Variants in ACTL6B observed in about 807,000 individuals in gnomAD.
ACTL6B encodes the protein actin like 6B.
In ACTL6B, 48 loss-of-function variants were observed where a neutral mutation model predicts 63.3. The ratio of observed to expected loss-of-function variants is 0.76; its 90% CI spans 0.60 to 0.96. The LOEUF (loss-of-function observed/expected upper bound fraction) is 0.96, where lower values mean the gene tolerates loss of function less well. Among genes scored for constraint, ACTL6B ranks in the 50% least tolerant of loss-of-function variants. The probability of loss-of-function intolerance (pLI) is 0.00; values close to 1 mark genes in which losing one functional copy is unlikely to be tolerated. For synonymous variants in ACTL6B, 230 were observed against 223.8 expected (o/e 1.03, Z -0.25); for missense variants, 350 against 572.2 (o/e 0.61, Z 3.96).
chr7:100,647,428 C>G lies in ACTL6B; in HGVS notation c.759+16G>C. 6.2e-7 allele frequency: 1 copy of G among 1,611,944 alleles called. No individual in the cohort carries two copies. Among genetic ancestry groups the G allele is most frequent in the Non-Finnish European group, 8.5e-7 (1 of 1,178,676 alleles). On this transcript the variant is annotated intron_variant, in intron 8 of 13. Transcript: ENST00000160382. The surrounding 1 kb of genome is among the most constrained non-coding windows in gnomAD (Gnocchi z 4.4). Reference sequence around the variant, plus strand: ...CAGGGGAGGGGGGTTTCAGGTGGCCCTCTCCAGAGGCTCACATTACACATG... The same window carrying G: ...CAGGGGAGGGGGGTTTCAGGTGGCCGTCTCCAGAGGCTCACATTACACATG...
chr7:100,655,539 G>GC lies in ACTL6B; in HGVS notation c.149dup (p.Gly51ArgfsTer61). ...CTTTGTCCCCCTCCAGCTCCAGCCCGCCCCCCTCCTCCGCGGCCAGCAGCC... is the reference window on the plus strand; with the variant it reads ...CTTTGTCCCCCTCCAGCTCCAGCCCGCCCCCCCTCCTCCGCGGCCAGCAGCC... On this transcript the variant is annotated frameshift_variant, in exon 3 of 14. Transcript: ENST00000160382. LOFTEE classifies it high-confidence loss of function. The surrounding 1 kb of genome is among the most constrained non-coding windows in gnomAD (Gnocchi z 4.4). 1 of 1,613,874 alleles carries GC rather than the reference G, an allele frequency of 6.2e-7. No homozygotes were observed. Among genetic ancestry groups the GC allele is most frequent in the Non-Finnish European group, 8.5e-7 (1 of 1,179,882 alleles).
At chr7:100,649,848 G>C in intron 5 of ACTL6B, 190 bp downstream of exon 5, 1 of 554,306 alleles carries the variant, frequency 1.8e-6, no homozygotes, top group East Asian at 3.1e-5. Context: ...CCGCTGATCT[G>C]GCCACCCCAG....
intron 13 of ACTL6B, among the ~76,000 whole-genome samples, chr7:100,645,586 A>G (rs1308833541): frequency 6.7e-6 from 1 of 150,284 alleles, no homozygotes; most frequent in Non-Finnish European, 1.5e-5. Context: ...TGGGTGTATC[A>G]CCAAAATCTC....
At chr7:100,645,370 C>A (rs529558641) in intron 13 of ACTL6B, among the ~76,000 whole-genome samples, 4 of 152,116 alleles carry the variant, frequency 2.6e-5, no homozygotes, top group Admixed American at 2.6e-4. Flanking sequence ...TTACTAGTTG[C>A]CCCTTGCTGT....
In ACTL6B at chr7:100,646,844, G is replaced by A. The variant is rs1584467949; in HGVS notation, c.937-13C>T. Reference sequence around the variant, plus strand: ...TCCCCGACAGGCCCTGCAGAGAGAGGTGACTGGGGCTGTGGGCTCTCTCCC... The same window carrying A: ...TCCCCGACAGGCCCTGCAGAGAGAGATGACTGGGGCTGTGGGCTCTCTCCC... On this transcript the variant is annotated splice_polypyrimidine_tract_variant and intron_variant, in intron 10 of 13. Coordinates refer to ENST00000160382, the MANE Select transcript of ACTL6B (RefSeq NM_016188.5). This position sits in a 1 kb window ranked among gnomAD's most constrained non-coding sequence, Gnocchi z 6.1. 6 of 1,610,150 alleles carry A rather than the reference G, an allele frequency of 3.7e-6. No homozygotes were observed. The highest frequency in any genetic ancestry group is 5.1e-6 in the Non-Finnish European group (6 of 1,178,396).
chr7:100,646,210 C>G lies in ACTL6B; in HGVS notation c.1200+39G>C, dbSNP rs1427494653. The G allele has an allele frequency of 6.4e-7, 1 of 1,569,758 alleles. No individual in the cohort carries two copies. The highest frequency in any genetic ancestry group is 8.7e-7 in the Non-Finnish European group (1 of 1,147,276). ...GGGCACTGTCTGGGTCTCCCCTCTC[C>G]CCCACAGTCAGTGCTAGGCCAGGTC... On this transcript the variant is annotated intron_variant, in intron 13 of 13. Transcript: ENST00000160382. This position sits in a 1 kb window ranked among gnomAD's most constrained non-coding sequence, Gnocchi z 6.1.
chr7:100,645,755 C>CT (rs944414545), intron 13 of ACTL6B, among the ~76,000 whole-genome samples: 102 of 152,148 alleles, frequency 6.7e-4, no homozygotes, highest in Non-Finnish European at 2.4e-4. Context: ...CCTCAGCCTC[C>CT]TGAATAGCTG....
Position 100,650,136 on chromosome 7 carries a change from C to G in ACTL6B, c.370-1G>C, listed in dbSNP as rs1803909749. The G allele has an allele frequency of 6.2e-7, 1 of 1,613,582 alleles. No homozygotes were observed. Among genetic ancestry groups the G allele is most frequent in the African/African-American group, 1.3e-5 (1 of 74,904 alleles). ...TCTCCCGCTTGGCCCGTGTGTTCCA[C>G]TGTGGAGAAAGTGCAGAGGGGGAGG... On this transcript the variant is annotated splice_acceptor_variant, in intron 4 of 13. Transcript: ENST00000160382. LOFTEE classifies it high-confidence loss of function.
intron 4 of ACTL6B, among the ~76,000 whole-genome samples, chr7:100,654,686 G>T (rs1019684596): frequency 6.6e-6 from 1 of 151,778 alleles, no homozygotes; most frequent in Non-Finnish European, 1.5e-5. Flanking sequence ...GGAGGCTGAG[G>T]CAGGAGATTC....
chr7:100,644,833 A>T (rs1460331540), intron 13 of ACTL6B, among the ~76,000 whole-genome samples: 1 of 152,080 alleles, frequency 6.6e-6, no homozygotes, highest in Non-Finnish European at 1.5e-5. Context: ...AGATGGGCAG[A>T]TCACTTGAGG....
intron 4 of ACTL6B, 147 bp from the exon 5 acceptor site, chr7:100,650,282 TCA>T: frequency 3.1e-6 from 2 of 655,166 alleles, no homozygotes; most frequent in Non-Finnish European, 5.5e-6. Context: ...ACCTAAACAC[TCA>T]CACATACACT....
In ACTL6B at chr7:100,647,564, C is replaced by T. The variant is rs2231175; in HGVS notation, c.670-31G>A. The T allele has an allele frequency of 1.1e-3, 1,645 of 1,494,644 alleles. 26 individuals are homozygous for T. The East Asian group carries it at 0.031, about 29-fold the overall frequency. The allele number at this position is 1,494,644 out of a possible 1,614,324, so 92.6% of individuals were successfully genotyped here. ...GGGGCACAGTGTAGGAACACCCTTT[C>T]CTAGCCCACCTGACCCCCACCCCCA... is the stretch of plus-strand genomic sequence containing the variant. On this transcript the variant is annotated intron_variant, in intron 7 of 13. Transcript: ENST00000160382. This position sits in a 1 kb window ranked among gnomAD's most constrained non-coding sequence, Gnocchi z 4.4.
chr7:100,645,296 AC>A (rs1022194992), intron 13 of ACTL6B, among the ~76,000 whole-genome samples: 1 of 151,900 alleles, frequency 6.6e-6, no homozygotes. Flanking sequence ...CTTCCTTCGA[AC>A]CCAGCAGCAG....
rs1803831898 is a variant in ACTL6B, at chr7:100,646,839, G to A, written c.937-8C>T. ...GGTGTTCCCCGACAGGCCCTGCAGA[G>A]AGAGGTGACTGGGGCTGTGGGCTCT... is the stretch of plus-strand genomic sequence containing the variant. On this transcript the variant is annotated splice_region_variant and splice_polypyrimidine_tract_variant and intron_variant, in intron 10 of 13. Transcript: ENST00000160382. The surrounding 1 kb of genome is among the most constrained non-coding windows in gnomAD (Gnocchi z 6.1). 6.2e-7 allele frequency: 1 copy of A among 1,611,108 alleles called. No homozygotes were observed. The highest frequency in any genetic ancestry group is 1.1e-5 in the South Asian group (1 of 90,900).
Position 100,643,336 on chromosome 7 carries a change from G to A in ACTL6B, c.1201-10C>T. On this transcript the variant is annotated splice_polypyrimidine_tract_variant and intron_variant, in intron 13 of 13. Coordinates refer to ENST00000160382, the MANE Select transcript of ACTL6B (RefSeq NM_016188.5). Reference sequence around the variant, plus strand: ...TCTGCTGGAAAGTGCCCTGGGTGGAGGGGGTAATATCAGGGTCAGGGTGGC... The same window carrying A: ...TCTGCTGGAAAGTGCCCTGGGTGGAAGGGGTAATATCAGGGTCAGGGTGGC... 1 of 1,613,324 alleles carries A rather than the reference G, an allele frequency of 6.2e-7. No individual in the cohort carries two copies. The highest frequency in any genetic ancestry group is 8.5e-7 in the Non-Finnish European group (1 of 1,179,894).
In ACTL6B at chr7:100,647,636, C is replaced by CAGCACAGCAGAG; in HGVS notation, c.670-104_670-103insCTCTGCTGTGCT. On this transcript the variant is annotated intron_variant, in intron 7 of 13. Coordinates refer to ENST00000160382, the MANE Select transcript of ACTL6B (RefSeq NM_016188.5). This position sits in a 1 kb window ranked among gnomAD's most constrained non-coding sequence, Gnocchi z 4.4. ...CTCTGCAGCTACCTGGCGCTGCAGG[C>CAGCACAGCAGAG]TCTGCTGTGCTGCCTGCAAGAGGGG... 5 of 831,350 alleles carry CAGCACAGCAGAG rather than the reference C, an allele frequency of 6.0e-6. No homozygotes were observed. Among genetic ancestry groups the CAGCACAGCAGAG allele is most frequent in the Non-Finnish European group, 7.7e-6 (4 of 522,354 alleles). 51.5% of individuals were successfully genotyped at this position (831,350 alleles called of 1,614,324 possible).
intron 4 of ACTL6B, among the ~76,000 whole-genome samples, chr7:100,651,181 C>A (rs897755546): frequency 6.6e-5 from 10 of 151,630 alleles, no homozygotes; most frequent in Non-Finnish European, 1.5e-5. Context: ...GCATGGGATA[C>A]CTAGCTAAGC....
In ACTL6B at chr7:100,646,099, C is replaced by G; in HGVS notation, c.1200+150G>C. On this transcript the variant is annotated intron_variant, in intron 13 of 13. Coordinates refer to ENST00000160382, the MANE Select transcript of ACTL6B (RefSeq NM_016188.5). This position sits in a 1 kb window ranked among gnomAD's most constrained non-coding sequence, Gnocchi z 6.1. ...GCCCCCCGATTTGTGTCCTGTTCAC[C>G]CTTCTGGGAACATTCATTGACTGAC... The G allele has an allele frequency of 5.0e-6, 4 of 792,762 alleles. No individual in the cohort carries two copies. The highest frequency in any genetic ancestry group is 8.3e-6 in the Non-Finnish European group (4 of 479,120). 49.1% of individuals were successfully genotyped at this position (792,762 alleles called of 1,614,324 possible).
In ACTL6B at chr7:100,647,960, CTT is replaced by C. The variant is rs1209628819; in HGVS notation, c.670-429_670-428del. ...ATATCATGCTGTTGGTCACACAGCT[CTT>C]TTTTTTTTTTTTTTTCAGATGGAGT... On this transcript the variant is annotated intron_variant, in intron 7 of 13. Coordinates refer to ENST00000160382, the MANE Select transcript of ACTL6B (RefSeq NM_016188.5). This position sits in a 1 kb window ranked among gnomAD's most constrained non-coding sequence, Gnocchi z 4.4. Among the ~76,000 whole-genome samples the C allele has an allele frequency of 6.0e-5, 8 of 134,096 alleles. No homozygotes were observed. Among genetic ancestry groups the C allele is most frequent in the South Asian group, 2.4e-4 (1 of 4,162 alleles). The allele number at this position is 134,096 out of a possible 152,430, so 88.0% of individuals were successfully genotyped here.
Sources: allele counts gnomAD v4.1 joint callset (sites outside exome capture counted in the v4.1 genomes callset), GRCh38; gene constraint gnomAD v4.1.1; non-coding constraint Gnocchi (gnomAD v3.1); transcripts MANE v1.5; gene names NCBI Gene and HGNC (gene_info 2026-07-23, HGNC 2026-07-21).